Variants in KANSL3 observed in about 807,000 individuals in gnomAD.
The protein encoded by KANSL3 is KAT8 regulatory NSL complex subunit 3.
A neutral mutation model predicts 89.2 loss-of-function variants in KANSL3; 16 were observed. The ratio of observed to expected loss-of-function variants is 0.18; its 90% CI spans 0.12 to 0.27. The LOEUF (loss-of-function observed/expected upper bound fraction) is 0.27. Among genes scored for constraint, KANSL3 ranks in the 10% least tolerant of loss-of-function variants. KANSL3 has a pLI of 1.00. For synonymous variants in KANSL3, 385 were observed against 419.7 expected, an observed-to-expected ratio of 0.92 and a Z score of 1.01; for missense variants, 879 against 1,110.6, an observed-to-expected ratio of 0.79 and a Z score of 2.96.
chr2:96,589,070 T>A (rs759894101), downstream of KANSL3, among the ~76,000 whole-genome samples: 1 of 152,076 alleles, frequency 6.6e-6, no homozygotes. Context: ...TAAAAAACTA[T>A]ACAAGGAGAT....
chr2:96,612,246 C>A (rs750579160), intron 9 of KANSL3, 36 bp downstream of exon 9: 3 of 1,483,772 alleles, frequency 2.0e-6, no homozygotes, highest in Non-Finnish European at 2.8e-6. Context: ...GTATTCCATC[C>A]CAGGACAACC....
intron 2 of KANSL3, among the ~76,000 whole-genome samples, chr2:96,635,133 C>T (rs1405507190): frequency 2.0e-5 from 3 of 152,178 alleles, no homozygotes; most frequent in Non-Finnish European, 1.5e-5. Flanking sequence ...GTAAGTTCTA[C>T]TCCTGCACTA....
intron 2 of KANSL3, among the ~76,000 whole-genome samples, chr2:96,632,552 A>G (rs533610481): frequency 6.6e-6 from 1 of 152,328 alleles, no homozygotes; most frequent in African/African-American, 2.4e-5. Context: ...TTAGTAGGCT[A>G]CAGCTCAGGA....
Position 96,637,106 on chromosome 2 carries a change from G to A in KANSL3, c.30C>T (p.Phe10=). The A allele has an allele frequency of 6.4e-7, 1 of 1,551,662 alleles. No homozygotes were observed. Among genetic ancestry groups the A allele is most frequent in the Non-Finnish European group, 8.7e-7 (1 of 1,146,982 alleles). The part of the protein sequence containing the change: MAHRGGERD[F]QTSARRMGTS... ...TGCCCATGCGTCGAGCTGAAGTCTG[G>A]AAGTCCCTCTCCCCACCCCGGTGGG... The change falls in exon 2 of 21, where the codon TTC becomes TTT. Residue 10 remains phenylalanine, a synonymous_variant. Coordinates refer to ENST00000431828, the MANE Select transcript of KANSL3 (RefSeq NM_001115016.3).
the KANSL3 span, among the ~76,000 whole-genome samples, chr2:96,583,889 T>C: frequency 6.6e-6 from 1 of 152,144 alleles, no homozygotes; most frequent in Non-Finnish European, 1.5e-5. Context: ...CTCGGTATTG[T>C]TGTTAATTTT....
chr2:96,598,640 T>C (rs2066782402), intron 20 of KANSL3, among the ~76,000 whole-genome samples: 1 of 152,194 alleles, frequency 6.6e-6, no homozygotes, highest in Non-Finnish European at 1.5e-5. Flanking sequence ...CCGGACATGA[T>C]GGCTCACGCC....
chr2:96,633,553 A>G (rs1464528057), intron 2 of KANSL3, among the ~76,000 whole-genome samples: 4 of 149,782 alleles, frequency 2.7e-5, no homozygotes, highest in Non-Finnish European at 5.9e-5. Context: ...TGGGCAACAG[A>G]GCGAGACTCT....
intron 2 of KANSL3, among the ~76,000 whole-genome samples, chr2:96,635,096 T>C (rs11164109): frequency 2.0e-5 from 3 of 152,100 alleles, no homozygotes; most frequent in Non-Finnish European, 2.9e-5. Flanking sequence ...TCTCAGTCCA[T>C]TGCAGTGGCA....
At chr2:96,584,648 TACTTC>T in the KANSL3 span, among the ~76,000 whole-genome samples, 1 of 152,252 alleles carries the variant, frequency 6.6e-6, no homozygotes, top group African/African-American at 2.4e-5. Context: ...TGTCCAGACT[TACTTC>T]ACTTAACATG....
chr2:96,585,431 T>G, the KANSL3 span, among the ~76,000 whole-genome samples: 2 of 152,208 alleles, frequency 1.3e-5, no homozygotes, highest in Admixed American at 1.3e-4. Context: ...TGAAACCACC[T>G]TATTCCTGCG....
At chr2:96,613,359 A>T in intron 6 of KANSL3, 129 bp downstream of exon 6, 1 of 765,362 alleles carries the variant, frequency 1.3e-6, no homozygotes, top group Non-Finnish European at 2.0e-6. Flanking sequence ...TAACAGAGCA[A>T]GATTCTGTCT....
At chr2:96,587,575 C>T in the KANSL3 span, among the ~76,000 whole-genome samples, 7 of 152,140 alleles carry the variant, frequency 4.6e-5, no homozygotes, top group South Asian at 2.1e-4. Context: ...TAAAGAAGAT[C>T]GAGTTTCATA....
Position 96,593,376 on chromosome 2 carries a change from T to C in KANSL3, c.*2235A>G. ...GTCATCCAAGAATCTAAGAACTTCCTGATCCTTCCACATTTTCTATCAATA... is the reference window on the plus strand; with the variant it reads ...GTCATCCAAGAATCTAAGAACTTCCCGATCCTTCCACATTTTCTATCAATA... On this transcript the variant is annotated 3_prime_UTR_variant, in exon 21 of 21. Coordinates refer to ENST00000431828, the MANE Select transcript of KANSL3 (RefSeq NM_001115016.3). 2.2e-6 allele frequency: 1 copy of C among 451,940 alleles called. No homozygotes were observed. Among genetic ancestry groups the C allele is most frequent in the Non-Finnish European group, 4.5e-6 (1 of 224,084 alleles). The allele number at this position is 451,940 out of a possible 1,614,324, so 28.0% of individuals were successfully genotyped here. A position where few individuals can be genotyped will look rare whatever the true frequency, so the allele number is the denominator to read the frequency against.
At chr2:96,618,068 G>A (rs575818658) in intron 5 of KANSL3, among the ~76,000 whole-genome samples, 127 of 151,872 alleles carry the variant, frequency 8.4e-4, no homozygotes, top group Non-Finnish European at 1.7e-3. Flanking sequence ...TGAGGCAGAC[G>A]GATTGCTTGA....
At position 96,601,650 on chromosome 2, in the gene KANSL3, C is replaced by G. The variant is rs776669209; in HGVS notation, c.2609G>C (p.Ser870Thr). 3.1e-6 allele frequency: 5 copies of G among 1,613,392 alleles called. No individual in the cohort carries two copies. The African/African-American group carries it at 5.3e-5, about 17-fold the overall frequency. Residue 870 changes from serine (S) to threonine (T), a missense_variant, in exon 20 of 21, where the codon AGC becomes ACC. Physicochemically the swap from Ser to Thr is moderately conservative, Grantham distance 58. Transcript: ENST00000431828. ...CCTTCCTGGCAGACTCACCTGTGAGCTGGAGGGCAGCACCTGGGAAGAGGA... is the reference window on the plus strand; with the variant it reads ...CCTTCCTGGCAGACTCACCTGTGAGGTGGAGGGCAGCACCTGGGAAGAGGA... ...EESSSQVLPS[S>T]SQRLPPAP
rs17119523 is a variant in KANSL3 at position 96,594,269 on chromosome 2, A to G, written c.*1342T>C. The G allele has an allele frequency of 0.034, 5,248 of 152,348 alleles. 95 individuals carry two copies. The highest frequency in any genetic ancestry group is 0.048 in the African/African-American group (1,987 of 41,556). 9.4% of individuals were successfully genotyped at this position (152,348 alleles called of 1,614,324 possible). ...GAAAAGGACACTTGAGTGGAGTCAC[A>G]CTTGGGTTGCCTAATTTATTACCTT... is the stretch of plus-strand genomic sequence containing the variant. On this transcript the variant is annotated 3_prime_UTR_variant, in exon 21 of 21. Coordinates refer to ENST00000431828, the MANE Select transcript of KANSL3 (RefSeq NM_001115016.3).
At chr2:96,583,052 C>T in the KANSL3 span, among the ~76,000 whole-genome samples, 1 of 152,230 alleles carries the variant, frequency 6.6e-6, no homozygotes, top group East Asian at 1.9e-4. Flanking sequence ...CTATTTTGTT[C>T]TGCAAGCTGG....
At chr2:96,605,098 G>T (rs1225618247) in intron 15 of KANSL3, among the ~76,000 whole-genome samples, 1 of 152,200 alleles carries the variant, frequency 6.6e-6, no homozygotes, top group Admixed American at 6.5e-5. Context: ...AATATAGGAT[G>T]CTTTGAACGA....
At position 96,602,413 on chromosome 2, in the gene KANSL3, A is replaced by T. The variant is rs536350117; in HGVS notation, c.2260-75T>A. ...CATTCGAGCTTGGAGGGCCCACAGC[A>T]TATTATTAAAGGCTAACATGTATTG... On this transcript the variant is annotated intron_variant, in intron 18 of 20. Transcript: ENST00000431828. The T allele has an allele frequency of 4.8e-5, 53 of 1,095,936 alleles. 2 individuals carry two copies. In the South Asian group the frequency reaches 7.0e-4, roughly 15 times the overall value. 67.9% of individuals were successfully genotyped at this position (1,095,936 alleles called of 1,614,324 possible).
Sources: allele counts gnomAD v4.1 joint callset (sites outside exome capture counted in the v4.1 genomes callset), GRCh38; gene constraint gnomAD v4.1.1; transcripts MANE v1.5; gene names NCBI Gene and HGNC (gene_info 2026-07-23, HGNC 2026-07-21).